Variants in KLHDC4 observed in about 807,000 individuals in gnomAD.
The protein encoded by KLHDC4 is kelch domain-containing protein 4.
In KLHDC4, 90 loss-of-function variants were observed where a neutral mutation model predicts 62.4. That is an observed-to-expected ratio of 1.44 (90% confidence interval 1.22 to 1.72). KLHDC4 has a LOEUF of 1.72. Ranked by LOEUF, KLHDC4 falls within the 40% of genes most tolerant of loss-of-function variation. The probability of loss-of-function intolerance (pLI) is 0.00; values close to 1 mark genes in which losing one functional copy is unlikely to be tolerated. For missense variants in KLHDC4, 1,025 were observed against 699.7 expected, an observed-to-expected ratio of 1.47 and a Z score of -5.25; for synonymous variants, 386 against 284.4, an observed-to-expected ratio of 1.36 and a Z score of -3.59.
intron 7 of KLHDC4, among the ~76,000 whole-genome samples, chr16:87,722,657 G>C (rs765117792): frequency 6.6e-6 from 1 of 152,254 alleles, no homozygotes; most frequent in Non-Finnish European, 1.5e-5. Context: ...ATGGTGAGCA[G>C]AAGGACAAGG....
chr16:87,726,832 C>T lies in KLHDC4; in HGVS notation c.692G>A (p.Arg231Lys). 1 of 1,612,164 alleles carries T rather than the reference C, an allele frequency of 6.2e-7. No homozygotes were observed. The highest frequency in any genetic ancestry group is 1.1e-5 in the South Asian group (1 of 90,920). ...LSPSGTGPTPRSGCQMSVTPQ... is the reference protein window; with the variant it reads ...LSPSGTGPTPKSGCQMSVTPQ... ...AGTGACGGACATCTGGCAGCCTGAT[C>T]TGGGTGTGGGCCCCGTCCCTGACGG... The change falls in exon 7 of 12, where the codon AGA becomes AAA. Residue 231 changes from arginine (R) to lysine (K), a missense_variant. Arg to Lys is a conservative substitution (Grantham distance 26). Transcript: ENST00000270583.
At chr16:87,702,395 G>A (rs1430415968) in exon 1 of KLHDC4, 1 of 400,888 alleles carries the variant, frequency 2.5e-6, no homozygotes, top group East Asian at 7.1e-5. Flanking sequence ...GCAGTGCCTG[G>A]CCCGTCCTGC....
chr16:87,765,350 G>A (rs1567855890), intron 1 of KLHDC4: 2 of 459,098 alleles, frequency 4.4e-6, no homozygotes, highest in Admixed American at 2.3e-5. Flanking sequence ...TCTTTTGAAA[G>A]AAAAGTAAGG....
chr16:87,711,342 CGAA>C lies in KLHDC4; in HGVS notation c.934_936del (p.Phe312del). 1 of 1,614,034 alleles carries C rather than the reference CGAA, an allele frequency of 6.2e-7. No homozygotes were observed. Among genetic ancestry groups the C allele is most frequent in the Non-Finnish European group, 8.5e-7 (1 of 1,180,038 alleles). On this transcript the variant is annotated inframe_deletion, in exon 9 of 12. Transcript: ENST00000270583. ...TCCTCTTCCTCGTCACAGACACCCC[CGAA>C]GAACAGTGTCTGGTGATTCGGGGCC... is the stretch of plus-strand genomic sequence containing the variant.
At chr16:87,734,958 G>C (rs1413199244) in intron 5 of KLHDC4, among the ~76,000 whole-genome samples, 1 of 35,554 alleles carries the variant, frequency 2.8e-5, no homozygotes. Context: ...CACTCCTGAC[G>C]AATTGCCTGA....
At chr16:87,710,531 T>C (rs1390230650) in intron 9 of KLHDC4, 3 of 152,360 alleles carry the variant, frequency 2.0e-5, no homozygotes, top group African/African-American at 4.8e-5. Context: ...ACCGTGACAC[T>C]AGCTGGGGTC....
intron 2 of KLHDC4, among the ~76,000 whole-genome samples, chr16:87,759,943 C>G (rs1422191235): frequency 6.6e-6 from 1 of 152,190 alleles, no homozygotes; most frequent in South Asian, 2.1e-4. Flanking sequence ...ACTGAGGCAG[C>G]TGGTGTCATG....
intron 7 of KLHDC4, among the ~76,000 whole-genome samples, chr16:87,717,125 C>G (rs928700546): frequency 6.6e-6 from 1 of 151,508 alleles, no homozygotes; most frequent in Non-Finnish European, 1.5e-5. Context: ...CAGCTACTCC[C>G]AACGCTGAGG....
In KLHDC4 at chr16:87,700,943, C is replaced by T. The variant is rs535075665; in HGVS notation, c.*696G>A. ...ACTCAGGCACCTGGTTGGCTTCTCT[C>T]GCGCCCAGGCCGCGTGTCAGGTGAG... On this transcript the variant is annotated 3_prime_UTR_variant, in exon 1 of 1. Transcript: ENST00000446344. 3.3e-5 allele frequency: 8 copies of T among 242,478 alleles called. No individual in the cohort carries two copies. The East Asian group carries it at 7.2e-4, about 22-fold the overall frequency. 15.0% of individuals were successfully genotyped at this position (242,478 alleles called of 1,614,324 possible). A position where few individuals can be genotyped will look rare whatever the true frequency, so the allele number is the denominator to read the frequency against.
In KLHDC4 at chr16:87,711,297, A is replaced by C; in HGVS notation, c.982T>G (p.Phe328Val). 1 of 1,613,732 alleles carries C rather than the reference A, an allele frequency of 6.2e-7. No homozygotes were observed. Among genetic ancestry groups the C allele is most frequent in the Non-Finnish European group, 8.5e-7 (1 of 1,179,980 alleles). Residue 328 changes from phenylalanine (F) to valine (V), a missense_variant, in exon 9 of 12, where the codon TTC becomes GTC. Transcript: ENST00000270583. ...TCGTAGAAGTACAGATCGTTGAAGA[A>C]CTCGCCCGACAGGCTCTCCTCCTCT... ...EEEEESLSGE[F>V]FNDLYFYDAT...
At chr16:87,720,773 A>C (rs2038132567) in intron 7 of KLHDC4, among the ~76,000 whole-genome samples, 1 of 152,216 alleles carries the variant, frequency 6.6e-6, no homozygotes, top group South Asian at 2.1e-4. Context: ...CTTCCTTTTG[A>C]AAACTGCTTC....
chr16:87,753,785 G>C (rs975760949), intron 4 of KLHDC4, among the ~76,000 whole-genome samples: 9 of 144,254 alleles, frequency 6.2e-5, no homozygotes, highest in African/African-American at 2.1e-4. Context: ...TGGGCAACAA[G>C]AGAGAGACTC....
At chr16:87,703,195 C>G (rs1292365493), downstream of KLHDC4, 2 of 152,074 alleles carry the variant, frequency 1.3e-5, no homozygotes, top group Non-Finnish European at 2.9e-5. Context: ...GTGCTGTGAG[C>G]AGGAATCGCG....
downstream of KLHDC4, among the ~76,000 whole-genome samples, chr16:87,705,735 C>G (rs2034587211): frequency 6.6e-6 from 1 of 152,176 alleles, no homozygotes; most frequent in South Asian, 2.1e-4. Flanking sequence ...GAACCGGCCA[C>G]ACAATGGCGT....
chr16:87,752,967 A>C (rs766160336), intron 4 of KLHDC4, among the ~76,000 whole-genome samples: 4 of 152,218 alleles, frequency 2.6e-5, no homozygotes, highest in Non-Finnish European at 5.9e-5. Context: ...CAGGACTGTG[A>C]ACCTGAGAGC....
At chr16:87,735,335 G>A (rs1173911235) in intron 5 of KLHDC4, among the ~76,000 whole-genome samples, 1 of 151,030 alleles carries the variant, frequency 6.6e-6, no homozygotes, top group Non-Finnish European at 1.5e-5. Context: ...AACTAAACCA[G>A]TGTGTCTGCA....
intron 5 of KLHDC4, among the ~76,000 whole-genome samples, chr16:87,744,864 T>C (rs939699201): frequency 1.3e-5 from 2 of 152,132 alleles, no homozygotes; most frequent in Non-Finnish European, 2.9e-5. Flanking sequence ...CACTTGCAAG[T>C]GCACACACAC....
At chr16:87,722,648 T>C (rs2038614345) in intron 7 of KLHDC4, among the ~76,000 whole-genome samples, 1 of 151,972 alleles carries the variant, frequency 6.6e-6, no homozygotes, top group African/African-American at 2.4e-5. Flanking sequence ...GCAGGGAGGA[T>C]GGTGAGCAGA....
exon 1 of KLHDC4, chr16:87,701,368 C>T (rs376336985): frequency 2.7e-4 from 86 of 318,706 alleles, no homozygotes; most frequent in South Asian, 1.1e-3. Flanking sequence ...AAGCTGAATG[C>T]TCCTCCCAAG....
Sources: gnomAD v4.1 joint callset for allele counts (sites outside exome capture counted in the v4.1 genomes callset) on GRCh38, gnomAD v4.1.1 for gene constraint, MANE v1.5 for transcripts, NCBI Gene and HGNC (gene_info 2026-07-23, HGNC 2026-07-21) for gene names.